HIBADH: variants seen among roughly 807,000 people sequenced by gnomAD.
HIBADH encodes the protein 3-hydroxyisobutyrate dehydrogenase.
A neutral mutation model predicts 36.1 loss-of-function variants in HIBADH; 25 were observed. The observed-to-expected ratio is 0.69, with a 90% CI of 0.50 to 0.97. The LOEUF is 0.97. HIBADH is among the 50% of genes least tolerant of loss of function. The pLI is 0.00. For synonymous variants in HIBADH, 160 were observed against 149.5 expected (o/e 1.07, Z -0.51); for missense variants, 421 against 418.0 (o/e 1.01, Z -0.06).
At chr7:27,603,827 AATT>A (rs1785173300) in intron 4 of HIBADH, among the ~76,000 whole-genome samples, 1 of 152,172 alleles carries the variant, frequency 6.6e-6, no homozygotes, top group South Asian at 2.1e-4. Context: ...TGATACCAAT[AATT>A]AAGAATCACA....
At chr7:27,614,918 C>A (rs1785400077) in intron 4 of HIBADH, among the ~76,000 whole-genome samples, 1 of 152,152 alleles carries the variant, frequency 6.6e-6, no homozygotes, top group East Asian at 1.9e-4. Flanking sequence ...CCAGGATGGA[C>A]CTAACCTAAT....
At chr7:27,580,959 G>A (rs906405263) in intron 4 of HIBADH, among the ~76,000 whole-genome samples, 1 of 152,152 alleles carries the variant, frequency 6.6e-6, no homozygotes, top group Non-Finnish European at 1.5e-5. Flanking sequence ...GCAGGTTAAG[G>A]GGTAGGCGAT....
intron 7 of HIBADH, among the ~76,000 whole-genome samples, chr7:27,527,656 C>T (rs1680570202): frequency 6.6e-6 from 1 of 152,104 alleles, no homozygotes; most frequent in African/African-American, 2.4e-5. Flanking sequence ...ACAGCATGTG[C>T]CCAGTTCATG....
chr7:27,593,571 T>G (rs1784978981), intron 4 of HIBADH, among the ~76,000 whole-genome samples: 1 of 152,218 alleles, frequency 6.6e-6, no homozygotes, highest in Admixed American at 6.5e-5. Context: ...TGTTTAAGAT[T>G]AACTCAATAA....
intron 6 of HIBADH, among the ~76,000 whole-genome samples, chr7:27,537,017 C>A (rs1295497952): frequency 2.0e-5 from 3 of 152,140 alleles, no homozygotes; most frequent in Non-Finnish European, 4.4e-5. Context: ...TGTACATTTT[C>A]CTCTTCCATG....
intron 4 of HIBADH, among the ~76,000 whole-genome samples, chr7:27,568,730 C>T (rs1439103605): frequency 6.6e-6 from 1 of 152,114 alleles, no homozygotes; most frequent in South Asian, 2.1e-4. Context: ...TTTAGTCTCC[C>T]AAAGTGCTGG....
intron 1 of HIBADH, among the ~76,000 whole-genome samples, chr7:27,660,280 A>G (rs369521863): frequency 3.3e-5 from 5 of 152,194 alleles, no homozygotes; most frequent in African/African-American, 1.2e-4. Context: ...TTGCAGGCAG[A>G]TTTTTTTCTA....
chr7:27,613,477 T>C lies in HIBADH; in HGVS notation c.484+15894A>G, dbSNP rs112567539. On this transcript the variant is annotated intron_variant, in intron 4 of 7. Transcript: ENST00000265395. ...ATTTAAAGAATATGTACTAAGGAAC[T>C]GTCAAATCTAATTCCAAATTCCACT... 1.3e-4 allele frequency among the ~76,000 whole-genome samples: 20 copies of C among 151,678 alleles called. 1 individual carries two copies. Among genetic ancestry groups the C allele is most frequent in the African/African-American group, 4.6e-4 (19 of 41,456 alleles).
At chr7:27,602,916 C>T (rs1436815827) in intron 4 of HIBADH, among the ~76,000 whole-genome samples, 3 of 152,102 alleles carry the variant, frequency 2.0e-5, no homozygotes, top group Non-Finnish European at 4.4e-5. Context: ...TCCATCCCAG[C>T]ACCCACCCAT....
At chr7:27,656,926 C>A (rs1786317738) in intron 1 of HIBADH, among the ~76,000 whole-genome samples, 2 of 152,102 alleles carry the variant, frequency 1.3e-5, no homozygotes, top group South Asian at 4.1e-4. Context: ...TCACAGCAAC[C>A]ATTACACATT....
chr7:27,644,372 G>C (rs956489531), intron 2 of HIBADH, among the ~76,000 whole-genome samples: 3 of 152,002 alleles, frequency 2.0e-5, no homozygotes, highest in African/African-American at 7.3e-5. Context: ...GGCCAAGGCG[G>C]GTGGATCACC....
At chr7:27,586,726 T>G (rs1057060899) in intron 4 of HIBADH, among the ~76,000 whole-genome samples, 1 of 151,666 alleles carries the variant, frequency 6.6e-6, no homozygotes, top group Non-Finnish European at 1.5e-5. Context: ...ATCACTCTTG[T>G]GAGGCGTTAG....
At chr7:27,598,711 C>T (rs750298744) in intron 4 of HIBADH, among the ~76,000 whole-genome samples, 3 of 151,850 alleles carry the variant, frequency 2.0e-5, no homozygotes, top group Non-Finnish European at 4.4e-5. Flanking sequence ...AACACTTTCC[C>T]AAAAAAGGGC....
intron 4 of HIBADH, among the ~76,000 whole-genome samples, chr7:27,580,919 G>A (rs945116318): frequency 6.6e-6 from 1 of 152,140 alleles, no homozygotes; most frequent in Admixed American, 6.5e-5. Context: ...CTAACAGGAG[G>A]ATAGGCAGAG....
At chr7:27,647,665 A>C (rs79151822) in intron 2 of HIBADH, 355 of 373,634 alleles carry the variant, frequency 9.5e-4, no homozygotes, top group African/African-American at 7.0e-3. Context: ...GCCTTCCTTC[A>C]TACCTACCTA....
intron 4 of HIBADH, among the ~76,000 whole-genome samples, chr7:27,626,956 C>A (rs932482538): frequency 1.9e-4 from 29 of 152,148 alleles, no homozygotes; most frequent in Non-Finnish European, 4.1e-4. Context: ...ACTGTGGGCC[C>A]ATTCTGGGTA....
chr7:27,624,605 T>C (rs187613527), intron 4 of HIBADH, among the ~76,000 whole-genome samples: 1 of 152,368 alleles, frequency 6.6e-6, no homozygotes, highest in African/African-American at 2.4e-5. Context: ...TGCTTAGCCC[T>C]AAGGTCACTA....
At chr7:27,608,027 G>A (rs541105605) in intron 4 of HIBADH, among the ~76,000 whole-genome samples, 22 of 152,228 alleles carry the variant, frequency 1.4e-4, no homozygotes, top group South Asian at 2.1e-4. Context: ...AAAATTATTC[G>A]TATTCTGGCC....
At chr7:27,600,808 G>A (rs1161736793) in intron 4 of HIBADH, among the ~76,000 whole-genome samples, 1 of 151,928 alleles carries the variant, frequency 6.6e-6, no homozygotes, top group Non-Finnish European at 1.5e-5. Context: ...TTTTACTTTT[G>A]AACACACCAA....
Sources: allele counts gnomAD v4.1 joint callset (sites outside exome capture counted in the v4.1 genomes callset), GRCh38; gene constraint gnomAD v4.1.1; transcripts MANE v1.5; gene names NCBI Gene and HGNC (gene_info 2026-07-23, HGNC 2026-07-21).